CDH23: variants seen among roughly 807,000 people sequenced by gnomAD.
The protein encoded by CDH23 is cadherin-23.
Under a neutral mutation model 317.1 loss-of-function variants are expected in CDH23, and 189 were observed. The ratio of observed to expected loss-of-function variants is 0.60; its 90% CI spans 0.53 to 0.67. The LOEUF (loss-of-function observed/expected upper bound fraction) is 0.67. Ranked by LOEUF, CDH23 falls within the 30% of genes least tolerant of loss-of-function variation. CDH23 has a pLI of 0.00. For missense variants in CDH23, 4,401 were observed against 4,592.4 expected (o/e 0.96, Z 1.20); for synonymous variants, 1,839 against 1,876.8 (o/e 0.98, Z 0.52).
At chr10:71,773,087 G>A (rs552682402) in intron 38 of CDH23, among the ~76,000 whole-genome samples, 3 of 150,826 alleles carry the variant, frequency 2.0e-5, no homozygotes, top group East Asian at 3.9e-4. Flanking sequence ...GCAGGGAAGG[G>A]CTGGACAGGC....
At chr10:71,715,983 C>G in intron 28 of CDH23, 1 of 1,491,438 alleles carries the variant, frequency 6.7e-7, no homozygotes, top group Non-Finnish European at 8.9e-7. Context: ...CGGTTGTCCT[C>G]GGGGCCCGGC....
intron 55 of CDH23, among the ~76,000 whole-genome samples, chr10:71,805,534 T>A (rs748165765): frequency 3.3e-5 from 5 of 152,172 alleles, no homozygotes; most frequent in Non-Finnish European, 5.9e-5. Flanking sequence ...GGGAAGATGG[T>A]CACCCTGGGA....
intron 34 of CDH23, among the ~76,000 whole-genome samples, chr10:71,735,893 G>C (rs1839550722): frequency 6.6e-6 from 1 of 152,224 alleles, no homozygotes; most frequent in Non-Finnish European, 1.5e-5. Flanking sequence ...CGCTCGGGCA[G>C]TGGGTGCCGA....
At chr10:71,477,290 TC>T (rs1214983149) in intron 3 of CDH23, among the ~76,000 whole-genome samples, 2 of 152,226 alleles carry the variant, frequency 1.3e-5, no homozygotes, top group Admixed American at 6.5e-5. Flanking sequence ...TGCCTCAGCT[TC>T]CCGAGCAGAT....
intron 1 of CDH23, among the ~76,000 whole-genome samples, chr10:71,402,305 C>T (rs535576038): frequency 1.9e-4 from 29 of 152,336 alleles, no homozygotes; most frequent in African/African-American, 6.7e-4. Flanking sequence ...ATATTTTTTA[C>T]ATATTCTAAA....
intron 26 of CDH23, chr10:71,707,397 C>T (rs1366040844): frequency 1.5e-6 from 2 of 1,338,700 alleles, no homozygotes; most frequent in Non-Finnish European, 1.9e-6. Flanking sequence ...GGTGACAGAG[C>T]AGTGACTTGG....
Position 71,806,069 on chromosome 10 carries a change from C to A in CDH23, c.8064+72C>A, listed in dbSNP as rs1420977607. ...TCTTCTGGGGGCGGGTCTTGCACCTCGCCTCCTGGAAAGTCCCTAGGGGAA... is the reference window on the plus strand; with the variant it reads ...TCTTCTGGGGGCGGGTCTTGCACCTAGCCTCCTGGAAAGTCCCTAGGGGAA... On this transcript the variant is annotated intron_variant, in intron 56 of 69. Coordinates refer to ENST00000224721, the MANE Select transcript of CDH23 (RefSeq NM_022124.6). 5 of 1,533,924 alleles carry A rather than the reference C, an allele frequency of 3.3e-6. No homozygotes were observed. In the South Asian group the frequency reaches 3.6e-5, roughly 11 times the overall value.
At chr10:71,777,978 G>C in intron 39 of CDH23, 77 bp downstream of exon 39, 2 of 1,523,990 alleles carry the variant, frequency 1.3e-6, no homozygotes, top group Non-Finnish European at 1.8e-6. Context: ...TGACACTGGA[G>C]GGGGATGGAG....
chr10:71,641,914 CCAAAAACAAAAAA>C (rs1862568931), intron 11 of CDH23, among the ~76,000 whole-genome samples: 1 of 151,908 alleles, frequency 6.6e-6, no homozygotes, highest in Non-Finnish European at 1.5e-5. Context: ...CCCGTCTCTA[CCAAAAACAAAAAA>C]CAAAAACAAA....
At chr10:71,407,480 C>T (rs1448942544) in intron 1 of CDH23, among the ~76,000 whole-genome samples, 1 of 152,214 alleles carries the variant, frequency 6.6e-6, no homozygotes, top group Non-Finnish European at 1.5e-5. Context: ...GAGCAGGTTA[C>T]CCCCATCTGG....
chr10:71,812,280 A>T, intron 66 of CDH23, 200 bp from the exon 67 acceptor site: 1 of 1,599,048 alleles, frequency 6.3e-7, no homozygotes, highest in Non-Finnish European at 8.5e-7. Flanking sequence ...ACCAAAGGCA[A>T]TCCAGACTGA....
intron 49 of CDH23, among the ~76,000 whole-genome samples, chr10:71,797,690 G>T (rs1257278949): frequency 6.6e-6 from 1 of 152,322 alleles, no homozygotes; most frequent in South Asian, 2.1e-4. Context: ...GGGGGTGCAG[G>T]CACTTACGGT....
chr10:71,633,324 A>G (rs899738755), intron 11 of CDH23, among the ~76,000 whole-genome samples: 3 of 152,130 alleles, frequency 2.0e-5, no homozygotes, highest in African/African-American at 7.2e-5. Context: ...ACACTCACAC[A>G]TGCACAGCAG....
rs555430482 is a variant in CDH23, at chr10:71,741,814, C to T, written c.4738C>T (p.Arg1580Cys). The T allele has an allele frequency of 1.1e-4, 177 of 1,612,062 alleles. No homozygotes were observed. Among genetic ancestry groups the T allele is most frequent in the South Asian group, 7.6e-4 (69 of 90,666 alleles). The change falls in exon 38 of 70, where the codon CGC (arginine) becomes TGC (cysteine). Residue 1580 changes from arginine to cysteine, a missense_variant. Transcript: ENST00000224721. The stretch of plus-strand genomic sequence containing the variant: ...CAAGGACATGGCCTTCCGCATGGAC[C>T]GCATCAGCGGTGAGATCGCCACACG... The part of the protein sequence containing the change: ...GNKDMAFRMD[R>C]ISGEIATRPA...
At chr10:71,426,733 T>C (rs1007875201) in intron 1 of CDH23, among the ~76,000 whole-genome samples, 1 of 152,254 alleles carries the variant, frequency 6.6e-6, no homozygotes, top group African/African-American at 2.4e-5. Flanking sequence ...TCTATTGATA[T>C]GTTATTCACA....
intron 38 of CDH23, among the ~76,000 whole-genome samples, chr10:71,759,844 C>CATATATAT (rs1564779098): frequency 4.0e-5 from 1 of 24,918 alleles, no homozygotes; most frequent in Non-Finnish European, 1.1e-4. Flanking sequence ...CACACACACA[C>CATATATAT]ACATATACAC....
chr10:71,803,475 G>A, intron 55 of CDH23, 55 bp downstream of exon 55: 1 of 1,475,822 alleles, frequency 6.8e-7, no homozygotes, highest in East Asian at 2.5e-5. Context: ...TCCAGCTGTG[G>A]CCTAGAAGAG....
At chr10:71,541,613 C>T (rs1280229588) in intron 6 of CDH23, among the ~76,000 whole-genome samples, 1 of 152,232 alleles carries the variant, frequency 6.6e-6, no homozygotes, top group Non-Finnish European at 1.5e-5. Context: ...GCACCCAGCT[C>T]CCTCCTTGGG....
chr10:71,581,723 C>T lies in CDH23; in HGVS notation c.832+3731C>T, dbSNP rs371398272. 6.6e-5 allele frequency among the ~76,000 whole-genome samples: 10 copies of T among 152,354 alleles called. No individual in the cohort carries two copies. In the East Asian group the frequency reaches 9.6e-4, roughly 15 times the overall value. ...GCCCCATCTGCTCCCTCAGCCTGTGCCTGCCCTGCCACCCACAAGTGGCAT... is the reference window on the plus strand; with the variant it reads ...GCCCCATCTGCTCCCTCAGCCTGTGTCTGCCCTGCCACCCACAAGTGGCAT... On this transcript the variant is annotated intron_variant, in intron 9 of 69. Coordinates refer to ENST00000224721, the MANE Select transcript of CDH23 (RefSeq NM_022124.6).
Sources: gnomAD v4.1 joint callset for allele counts (sites outside exome capture counted in the v4.1 genomes callset) on GRCh38, gnomAD v4.1.1 for gene constraint, MANE v1.5 for transcripts, NCBI Gene and HGNC (gene_info 2026-07-23, HGNC 2026-07-21) for gene names.